MAGI1: variants seen among roughly 807,000 people sequenced by gnomAD.
MAGI1 encodes membrane-associated guanylate kinase, WW and PDZ domain-containing protein 1.
Under a neutral mutation model 139.9 loss-of-function variants are expected in MAGI1, and 58 were observed. The ratio of observed to expected loss-of-function variants is 0.41; its 90% CI spans 0.34 to 0.52. The LOEUF is 0.52. Among genes scored for constraint, MAGI1 ranks in the 20% least tolerant of loss-of-function variants. MAGI1 has a pLI of 0.12. For synonymous variants in MAGI1, 812 were observed against 737.9 expected (o/e 1.10, Z -1.63); for missense variants, 1,874 against 1,901.6 (o/e 0.99, Z 0.27).
rs533644204 is a variant in MAGI1 at position 65,745,936 on chromosome 3, C to T, written c.314-123848G>A. On this transcript the variant is annotated intron_variant, in intron 1 of 22. Transcript: ENST00000402939. ...ATAGAGACAGGGATTTGCCATGTTG[C>T]CCAGGCTGGTCTCGAACTCCTGGCC... Among the ~76,000 whole-genome samples the T allele has an allele frequency of 4.6e-5, 7 of 152,238 alleles. No homozygotes were observed. In the East Asian group the frequency reaches 9.6e-4, roughly 21 times the overall value.
At chr3:65,954,363 G>T (rs2064010590) in intron 1 of MAGI1, 1 of 152,480 alleles carries the variant, frequency 6.6e-6, no homozygotes, top group Admixed American at 6.5e-5. Context: ...GCTAGAACGG[G>T]GTTGCTCTGA....
At chr3:65,921,410 G>C (rs560755988) in intron 1 of MAGI1, among the ~76,000 whole-genome samples, 1 of 151,852 alleles carries the variant, frequency 6.6e-6, no homozygotes, top group East Asian at 1.9e-4. Context: ...CCGGGTTCAA[G>C]TAATTCTCCC....
chr3:65,833,394 C>A (rs533072514), intron 1 of MAGI1, among the ~76,000 whole-genome samples: 6 of 152,214 alleles, frequency 3.9e-5, no homozygotes, highest in African/African-American at 1.4e-4. Flanking sequence ...GCTGGGATTA[C>A]AGGTTTGAGC....
At chr3:65,672,502 T>C (rs2086923811) in intron 1 of MAGI1, among the ~76,000 whole-genome samples, 1 of 152,068 alleles carries the variant, frequency 6.6e-6, no homozygotes, top group Non-Finnish European at 1.5e-5. Flanking sequence ...TGTGTAAAAA[T>C]AGGATGAAAA....
intron 2 of MAGI1, among the ~76,000 whole-genome samples, chr3:65,537,363 T>C (rs2079007010): frequency 6.6e-6 from 1 of 152,208 alleles, no homozygotes; most frequent in African/African-American, 2.4e-5. Context: ...CTTCTCCATG[T>C]TCCCTTTCAC....
At chr3:65,615,230 G>A (rs1349969203) in intron 2 of MAGI1, among the ~76,000 whole-genome samples, 1 of 152,100 alleles carries the variant, frequency 6.6e-6, no homozygotes, top group African/African-American at 2.4e-5. Flanking sequence ...TTGTTAACAA[G>A]GGGACTGTTA....
chr3:66,003,556 G>A (rs113676343), intron 1 of MAGI1, among the ~76,000 whole-genome samples: 122 of 152,178 alleles, frequency 8.0e-4, no homozygotes, highest in African/African-American at 2.7e-3. Flanking sequence ...CTCCCAGGTT[G>A]AAGAGATTCT....
At chr3:65,725,588 T>C (rs2033513605) in intron 1 of MAGI1, among the ~76,000 whole-genome samples, 2 of 152,164 alleles carry the variant, frequency 1.3e-5, no homozygotes, top group African/African-American at 2.4e-5. Context: ...CAAGTAGGCA[T>C]GTGGACTCAC....
At chr3:65,951,287 G>A (rs1294055921) in intron 1 of MAGI1, among the ~76,000 whole-genome samples, 5 of 152,280 alleles carry the variant, frequency 3.3e-5, no homozygotes, top group African/African-American at 1.2e-4. Context: ...TCACATGGCT[G>A]AAGAATTGAA....
intron 22 of MAGI1, 61 bp from the exon 23 acceptor site, chr3:65,357,193 G>T: frequency 1.3e-6 from 2 of 1,520,136 alleles, no homozygotes; most frequent in Admixed American, 1.9e-5. Flanking sequence ...TCCTGTCCCC[G>T]TTCCCACCCA....
At chr3:65,669,891 A>G (rs1274518399) in intron 1 of MAGI1, among the ~76,000 whole-genome samples, 1 of 152,196 alleles carries the variant, frequency 6.6e-6, no homozygotes, top group African/African-American at 2.4e-5. Flanking sequence ...CAATTAGAGC[A>G]CAAACAAGAT....
intron 2 of MAGI1, among the ~76,000 whole-genome samples, chr3:65,543,221 G>A (rs1196038908): frequency 6.6e-6 from 1 of 152,220 alleles, no homozygotes; most frequent in Non-Finnish European, 1.5e-5. Context: ...ACGCCAGTTA[G>A]AATGGCGATC....
chr3:65,641,267 C>A (rs2084968499), intron 1 of MAGI1, among the ~76,000 whole-genome samples: 1 of 152,172 alleles, frequency 6.6e-6, no homozygotes, highest in African/African-American at 2.4e-5. Flanking sequence ...GCCAGGCTTA[C>A]TCAGAGTGGA....
At chr3:65,572,037 C>G (rs1404243761) in intron 2 of MAGI1, among the ~76,000 whole-genome samples, 1 of 151,870 alleles carries the variant, frequency 6.6e-6, no homozygotes, top group Non-Finnish European at 1.5e-5. Context: ...GAGAAAGGGA[C>G]AGAAAAAGAT....
chr3:65,829,317 T>C (rs1040086228), intron 1 of MAGI1, among the ~76,000 whole-genome samples: 3 of 152,148 alleles, frequency 2.0e-5, no homozygotes, highest in East Asian at 3.9e-4. Flanking sequence ...TGAATGTCAG[T>C]GTCCTCCCAA....
At chr3:65,866,249 TGTTGCTCCAGTTG>T (rs1358886455) in intron 1 of MAGI1, among the ~76,000 whole-genome samples, 14 of 151,874 alleles carry the variant, frequency 9.2e-5, no homozygotes, top group Non-Finnish European at 1.8e-4. Flanking sequence ...AGTCTTGTTT[TGTTGCTCCAGTTG>T]GAGTACAGTG....
At chr3:66,017,521 C>G (rs547251434) in intron 1 of MAGI1, among the ~76,000 whole-genome samples, 2 of 152,216 alleles carry the variant, frequency 1.3e-5, no homozygotes, top group Admixed American at 6.5e-5. Context: ...AGCCTCCTGA[C>G]GAACACCAAG....
At chr3:65,966,210 A>T (rs1428427844) in intron 1 of MAGI1, among the ~76,000 whole-genome samples, 1 of 152,188 alleles carries the variant, frequency 6.6e-6, no homozygotes, top group East Asian at 1.9e-4. Flanking sequence ...CTGCCAAAAT[A>T]CCCCATGGTA....
intron 2 of MAGI1, among the ~76,000 whole-genome samples, chr3:65,503,832 A>G (rs949398016): frequency 6.6e-6 from 1 of 152,176 alleles, no homozygotes; most frequent in African/African-American, 2.4e-5. Flanking sequence ...TAGCTATGAC[A>G]TGGGATGAAG....
Sources: allele counts gnomAD v4.1 joint callset (sites outside exome capture counted in the v4.1 genomes callset), GRCh38; gene constraint gnomAD v4.1.1; transcripts MANE v1.5; gene names NCBI Gene and HGNC (gene_info 2026-07-23, HGNC 2026-07-21).